The following SLC8A2 variants were observed in gnomAD, a reference collection of about 807,000 sequenced individuals.
SLC8A2 encodes the protein sodium/calcium exchanger 2.
SLC8A2 carries 14 observed loss-of-function variants against 70.2 expected under a neutral mutation model. The observed-to-expected ratio is 0.20, with a 90% CI of 0.13 to 0.31. The LOEUF is 0.31. SLC8A2 is among the 10% of genes least tolerant of loss of function. The probability of loss-of-function intolerance (pLI) is 1.00; values close to 1 mark genes in which losing one functional copy is unlikely to be tolerated. For missense variants in SLC8A2, 779 were observed against 1,320.1 expected, an observed-to-expected ratio of 0.59 and a Z score of 6.35; for synonymous variants, 575 against 594.3, an observed-to-expected ratio of 0.97 and a Z score of 0.47.
chr19:47,462,254 TTTTCTTTC>T (rs747179975), intron 2 of SLC8A2, among the ~76,000 whole-genome samples: 1 of 152,128 alleles, frequency 6.6e-6, no homozygotes, highest in Non-Finnish European at 1.5e-5. Context: ...TTCTTTTTCT[TTTTCTTTC>T]TTTCTTTCTT....
Position 47,466,372 on chromosome 19 carries a change from A to C in SLC8A2, c.32T>G (p.Leu11Arg). 2 of 1,433,030 alleles carry C rather than the reference A, an allele frequency of 1.4e-6. No individual in the cohort carries two copies. The highest frequency in any genetic ancestry group is 1.8e-6 in the Non-Finnish European group (2 of 1,094,616). The allele number at this position is 1,433,030 out of a possible 1,614,324, so 88.8% of individuals were successfully genotyped here. A position where few individuals can be genotyped will look rare whatever the true frequency, so the allele number is the denominator to read the frequency against. The change falls in exon 2 of 10, where the codon CTC becomes CGC. Residue 11 changes from leucine to arginine, a missense_variant. Around this residue, in one of 6 missense-constraint regions of SLC8A2, gnomAD observed 65 missense variants for 61.3 expected, o/e 1.06. Transcript: ENST00000236877. This position sits in a 1 kb window ranked among gnomAD's most constrained non-coding sequence, Gnocchi z 6.9. MAPLALVGVTLLLAAPPCSGA... is the reference protein window; with the variant it reads MAPLALVGVTRLLAAPPCSGA... ...GGAGCATGGGGGAGCCGCCAGGAGG[A>C]GTGTGACCCCCACCAAGGCCAGGGG... is the stretch of plus-strand genomic sequence containing the variant.
rs772438353 is a variant in SLC8A2 at position 47,457,453 on chromosome 19, C to T, written c.817G>A (p.Glu273Lys). 5 of 1,607,366 alleles carry T rather than the reference C, an allele frequency of 3.1e-6. No individual in the cohort carries two copies. The highest frequency in any genetic ancestry group is 2.7e-5 in the African/African-American group (2 of 74,178). Reference sequence around the variant, plus strand: ...TCGATGCTCTTCGGGGGGTCGCCCTCGGCGCCTATGATGATGCCGCTGCGT... The same window carrying T: ...TCGATGCTCTTCGGGGGGTCGCCCTTGGCGCCTATGATGATGCCGCTGCGT... Reference protein sequence around the residue: ...DPRSGIIIGAEGDPPKSIELD... With the variant: ...DPRSGIIIGAKGDPPKSIELD... Residue 273 changes from glutamate to lysine, a missense_variant, in exon 3 of 10, where the codon GAG (glutamate) becomes AAG (lysine). Around this residue, in one of 6 missense-constraint regions of SLC8A2, gnomAD observed 186 missense variants for 246.6 expected, o/e 0.75. Transcript: ENST00000236877.
intron 2 of SLC8A2, among the ~76,000 whole-genome samples, chr19:47,459,234 GC>G: frequency 6.6e-6 from 1 of 151,556 alleles, no homozygotes; most frequent in Middle Eastern, 3.4e-3. Flanking sequence ...GTTCGTCTCT[GC>G]CTCTCTCCAT....
intron 3 of SLC8A2, among the ~76,000 whole-genome samples, chr19:47,452,787 C>T (rs1555749353): frequency 6.6e-6 from 1 of 152,096 alleles, no homozygotes; most frequent in Non-Finnish European, 1.5e-5. Flanking sequence ...AATCCCGGCA[C>T]TTTGGGAGGC....
intron 4 of SLC8A2, among the ~76,000 whole-genome samples, chr19:47,445,240 C>T (rs891306803): frequency 3.3e-5 from 5 of 152,180 alleles, no homozygotes; most frequent in African/African-American, 1.2e-4. Context: ...TCCCGAGTAG[C>T]TGGGATTACA....
intron 1 of SLC8A2, among the ~76,000 whole-genome samples, chr19:47,470,384 C>CACAT (rs1967519955): frequency 6.6e-6 from 1 of 151,278 alleles, no homozygotes; most frequent in African/African-American, 2.4e-5. Flanking sequence ...CACACACACA[C>CACAT]ACACCAGGGC....
At position 47,432,560 on chromosome 19, in the gene SLC8A2, G is replaced by T; in HGVS notation, c.2111-115C>A. 1 of 1,105,326 alleles carries T rather than the reference G, an allele frequency of 9.0e-7. No homozygotes were observed. Among genetic ancestry groups the T allele is most frequent in the Non-Finnish European group, 1.3e-6 (1 of 779,694 alleles). The allele number at this position is 1,105,326 out of a possible 1,614,324, so 68.5% of individuals were successfully genotyped here. A position where few individuals can be genotyped will look rare whatever the true frequency, so the allele number is the denominator to read the frequency against. On this transcript the variant is annotated intron_variant, in intron 8 of 9. Transcript: ENST00000236877. This position sits in a 1 kb window ranked among gnomAD's most constrained non-coding sequence, Gnocchi z 6.2. ...TCCCATTGAATGAACTTCTTTCCCA[G>T]AATCCCTTGCACCTACCTGTGGCCA...
chr19:47,459,743 A>G (rs931640390), intron 2 of SLC8A2, among the ~76,000 whole-genome samples: 5 of 145,884 alleles, frequency 3.4e-5, no homozygotes, highest in African/African-American at 5.1e-5. Context: ...GTGTATGTGT[A>G]CGTGTGTGTC....
chr19:47,431,677 A>C (rs1347843241), intron 9 of SLC8A2, among the ~76,000 whole-genome samples: 2 of 36,604 alleles, frequency 5.5e-5, no homozygotes, highest in East Asian at 2.6e-3. Flanking sequence ...AAAAAAAAAA[A>C]AAACAAAACC....
intron 2 of SLC8A2, among the ~76,000 whole-genome samples, chr19:47,458,173 C>T (rs956232698): frequency 3.0e-4 from 45 of 151,160 alleles, no homozygotes; most frequent in African/African-American, 1.1e-3. Context: ...CTCCCCATCT[C>T]TCTCTCCTCC....
At position 47,465,832 on chromosome 19, in the gene SLC8A2, T is replaced by A. The variant is rs912839064; in HGVS notation, c.572A>T (p.Lys191Met). 2.5e-6 allele frequency: 4 copies of A among 1,614,088 alleles called. No homozygotes were observed. The African/African-American group carries it at 5.3e-5, about 22-fold the overall frequency. ...IYVIPAGESR[K>M]IKHLRVFFVT... ...AAAGAAGACTCTCAGGTGCTTGATC[T>A]TGCGGCTCTCGCCGGCTGGGATGAC... Residue 191 changes from lysine (K) to methionine (M), a missense_variant, in exon 2 of 10, where the codon AAG becomes ATG. Transcript: ENST00000236877. This position sits in a 1 kb window ranked among gnomAD's most constrained non-coding sequence, Gnocchi z 5.5.
chr19:47,452,868 A>C (rs1304478966), intron 3 of SLC8A2, among the ~76,000 whole-genome samples: 1 of 152,000 alleles, frequency 6.6e-6, no homozygotes, highest in Non-Finnish European at 1.5e-5. Flanking sequence ...CCCCATCTCT[A>C]CTAAAAATAC....
chr19:47,441,160 T>A lies in SLC8A2; in HGVS notation c.1885+9A>T. ...TCCCCACTCAGAGCCCAGAGGTGAC[T>A]TCACTCACCTTGATTGAGTAGCAGA... On this transcript the variant is annotated intron_variant, in intron 6 of 9. Coordinates refer to ENST00000236877, the MANE Select transcript of SLC8A2 (RefSeq NM_015063.3). The A allele has an allele frequency of 6.2e-7, 1 of 1,613,752 alleles. No homozygotes were observed. The highest frequency in any genetic ancestry group is 1.1e-5 in the South Asian group (1 of 91,066).
chr19:47,469,759 T>C (rs1967509856), intron 1 of SLC8A2, among the ~76,000 whole-genome samples: 3 of 152,294 alleles, frequency 2.0e-5, no homozygotes, highest in Admixed American at 2.0e-4. Context: ...CAATCTGCTT[T>C]TAGAATCCAG....
At chr19:47,445,329 G>A (rs1967147729) in intron 4 of SLC8A2, among the ~76,000 whole-genome samples, 2 of 152,056 alleles carry the variant, frequency 1.3e-5, no homozygotes, top group Admixed American at 1.3e-4. Flanking sequence ...GGCTGGTCTC[G>A]AACTCCTGAC....
In SLC8A2 at chr19:47,451,072, G is replaced by A. The variant is rs567299237; in HGVS notation, c.1341-2841C>T. On this transcript the variant is annotated intron_variant, in intron 3 of 9. Transcript: ENST00000236877. ...CGCCCAGGCTGGAGTGCAGTGGCACGATCTCAGCTCACTGCAACCTCCGCC... is the reference window on the plus strand; with the variant it reads ...CGCCCAGGCTGGAGTGCAGTGGCACAATCTCAGCTCACTGCAACCTCCGCC... 1.6e-3 allele frequency among the ~76,000 whole-genome samples: 214 copies of A among 135,330 alleles called. 1 individual carries two copies. Among genetic ancestry groups the A allele is most frequent in the African/African-American group, 5.7e-3 (201 of 35,388 alleles). 88.8% of individuals were successfully genotyped at this position (135,330 alleles called of 152,430 possible). A position where few individuals can be genotyped will look rare whatever the true frequency, so the allele number is the denominator to read the frequency against.
Position 47,432,834 on chromosome 19 carries a change from T to C in SLC8A2, c.2111-389A>G, listed in dbSNP as rs759847515. Among the ~76,000 whole-genome samples the C allele has an allele frequency of 7.2e-5, 11 of 151,952 alleles. No individual in the cohort carries two copies. Among genetic ancestry groups the C allele is most frequent in the Non-Finnish European group, 1.5e-4 (10 of 67,998 alleles). On this transcript the variant is annotated intron_variant, in intron 8 of 9. Transcript: ENST00000236877. This position sits in a 1 kb window ranked among gnomAD's most constrained non-coding sequence, Gnocchi z 6.2. ...CATGTCAGCAGCTAAAAACAGTTAC[T>C]TTCCCTGCATCCTTTGAAGCTAGGA... is the stretch of plus-strand genomic sequence containing the variant.
At position 47,437,636 on chromosome 19, in the gene SLC8A2, G is replaced by A. The variant is rs748511790; in HGVS notation, c.2011-75C>T. ...GAAGCTCCATGTTGGGTCCTGGGTC[G>A]GGGGCTCACAGCCTGTGCCCAGGGG... On this transcript the variant is annotated intron_variant, in intron 7 of 9. Coordinates refer to ENST00000236877, the MANE Select transcript of SLC8A2 (RefSeq NM_015063.3). The A allele has an allele frequency of 7.6e-5, 98 of 1,294,312 alleles. 1 individual carries two copies. The Middle Eastern group carries it at 9.3e-4, about 12-fold the overall frequency. 80.2% of individuals were successfully genotyped at this position (1,294,312 alleles called of 1,614,324 possible).
chr19:47,468,271 C>T lies in SLC8A2; in HGVS notation c.-16-1852G>A, dbSNP rs1322497279. Among the ~76,000 whole-genome samples, 2 of 152,234 alleles carry T rather than the reference C, an allele frequency of 1.3e-5. No homozygotes were observed. The highest frequency in any genetic ancestry group is 3.9e-4 in the East Asian group (2 of 5,172). ...TTCTGCCTTGGAGCCCTGGCACCTG[C>T]TGTTCCCCCTTCCTCGAACACGCTT... On this transcript the variant is annotated intron_variant, in intron 1 of 9. Coordinates refer to ENST00000236877, the MANE Select transcript of SLC8A2 (RefSeq NM_015063.3). This position sits in a 1 kb window ranked among gnomAD's most constrained non-coding sequence, Gnocchi z 5.1.
Sources: allele counts gnomAD v4.1 joint callset (sites outside exome capture counted in the v4.1 genomes callset), GRCh38; gene constraint gnomAD v4.1.1; regional missense constraint gnomAD v4.1.1; non-coding constraint Gnocchi (gnomAD v3.1); transcripts MANE v1.5; gene names NCBI Gene and HGNC (gene_info 2026-07-23, HGNC 2026-07-21).